The following XPO4 variants were observed in gnomAD, a reference collection of about 807,000 sequenced individuals.
The protein encoded by XPO4 is exportin 4, also known as exportin-4.
Under a neutral mutation model 143.0 loss-of-function variants are expected in XPO4, and 39 were observed. That is an observed-to-expected ratio of 0.27 (90% CI 0.21 to 0.36). The LOEUF (loss-of-function observed/expected upper bound fraction) is 0.36. XPO4 is among the 10% of genes least tolerant of loss of function. The pLI, the probability that XPO4 is intolerant of heterozygous loss-of-function variation, is 1.00. For missense variants in XPO4, 907 were observed against 1,348.0 expected (o/e 0.67, Z 5.12); for synonymous variants, 439 against 474.0 (o/e 0.93, Z 0.96).
At position 20,779,102 on chromosome 13, in the gene XPO4, T is replaced by C. The variant is rs1172390132; in HGVS notation, c.*4620A>G. 2 of 152,144 alleles carry C rather than the reference T, an allele frequency of 1.3e-5. No individual in the cohort carries two copies. Among genetic ancestry groups the C allele is most frequent in the Non-Finnish European group, 2.9e-5 (2 of 68,032 alleles). 9.4% of individuals were successfully genotyped at this position (152,144 alleles called of 1,614,324 possible). A position where few individuals can be genotyped will look rare whatever the true frequency, so the allele number is the denominator to read the frequency against. The stretch of plus-strand genomic sequence containing the variant: ...TTTAAACAGTACACTCATCCCTGGG[T>C]CTTTAAATAAAACTGAAAAGTCTTA... On this transcript the variant is annotated 3_prime_UTR_variant, in exon 23 of 23. Coordinates refer to ENST00000255305, the MANE Select transcript of XPO4 (RefSeq NM_022459.5).
chr13:20,852,184 A>G, intron 4 of XPO4: 1 of 985,438 alleles, frequency 1.0e-6, no homozygotes, highest in Non-Finnish European at 1.2e-6. Flanking sequence ...TCATAAATAG[A>G]TAGATCTCAG....
intron 4 of XPO4, chr13:20,852,355 G>C: frequency 1.0e-6 from 1 of 985,434 alleles, no homozygotes; most frequent in Non-Finnish European, 1.2e-6. Flanking sequence ...ATATTTCCAA[G>C]TAGCAGCCTC....
intron 16 of XPO4, among the ~76,000 whole-genome samples, chr13:20,797,639 T>A (rs2059375635): frequency 6.6e-6 from 1 of 152,190 alleles, no homozygotes. Flanking sequence ...GGATTTGAAG[T>A]CACAAACAAC....
intron 22 of XPO4, among the ~76,000 whole-genome samples, chr13:20,785,794 T>A (rs1595046930): frequency 4.2e-5 from 5 of 119,702 alleles, no homozygotes; most frequent in Admixed American, 1.1e-4. Flanking sequence ...GAGAGAGAAA[T>A]AAAGGAAGAG....
intron 1 of XPO4, among the ~76,000 whole-genome samples, chr13:20,886,133 C>T (rs1239851109): frequency 1.3e-5 from 2 of 152,118 alleles, no homozygotes; most frequent in Non-Finnish European, 2.9e-5. Context: ...TCTTTTCAAA[C>T]ACATACTGAA....
In XPO4 at chr13:20,780,418, G is replaced by A. The variant is rs1302260854; in HGVS notation, c.*3304C>T. 6.6e-6 allele frequency: 1 copy of A among 152,092 alleles called. No individual in the cohort carries two copies. The highest frequency in any genetic ancestry group is 2.4e-5 in the African/African-American group (1 of 41,382). The allele number at this position is 152,092 out of a possible 1,614,324, so 9.4% of individuals were successfully genotyped here. On this transcript the variant is annotated 3_prime_UTR_variant, in exon 23 of 23. Transcript: ENST00000255305. Reference sequence around the variant, plus strand: ...TTAGGGGTTCATAGAAGTATTAACAGAAATGGGAAACATGGTGATATTACA... The same window carrying A: ...TTAGGGGTTCATAGAAGTATTAACAAAAATGGGAAACATGGTGATATTACA...
chr13:20,810,915 C>T (rs918022326), intron 9 of XPO4, among the ~76,000 whole-genome samples: 8 of 152,196 alleles, frequency 5.3e-5, no homozygotes, highest in African/African-American at 9.7e-5. Context: ...ACCAAAACTA[C>T]ACCACTGAGA....
At chr13:20,837,587 T>TG (rs1344913512) in intron 6 of XPO4, among the ~76,000 whole-genome samples, 1 of 151,904 alleles carries the variant, frequency 6.6e-6, no homozygotes, top group Non-Finnish European at 1.5e-5. Context: ...TTGTAAGAGA[T>TG]GGGGTGTATT....
intron 4 of XPO4, chr13:20,851,889 CAGA>C (rs1346275497): frequency 4.1e-6 from 4 of 985,214 alleles, no homozygotes; most frequent in Non-Finnish European, 4.8e-6. Flanking sequence ...CAATCATTCT[CAGA>C]AGATCAGTTA....
Position 20,782,035 on chromosome 13 carries a change from C to T in XPO4, c.*1687G>A, listed in dbSNP as rs1302360276. On this transcript the variant is annotated 3_prime_UTR_variant, in exon 23 of 23. Coordinates refer to ENST00000255305, the MANE Select transcript of XPO4 (RefSeq NM_022459.5). ...CCCTTAATTGTGACTCAAAGCTAAT[C>T]AAATTGAGAGAAATGTAAGTTATGG... The T allele has an allele frequency of 6.6e-6, 1 of 152,206 alleles. No individual in the cohort carries two copies. The highest frequency in any genetic ancestry group is 1.5e-5 in the Non-Finnish European group (1 of 68,040). The allele number at this position is 152,206 out of a possible 1,614,324, so 9.4% of individuals were successfully genotyped here. A position where few individuals can be genotyped will look rare whatever the true frequency, so the allele number is the denominator to read the frequency against.
chr13:20,821,525 T>C (rs1459671617), intron 9 of XPO4, among the ~76,000 whole-genome samples, 179 bp downstream of exon 9: 1 of 152,236 alleles, frequency 6.6e-6, no homozygotes, highest in East Asian at 1.9e-4. Context: ...TAAAGCTATT[T>C]TAATCCACAA....
intron 6 of XPO4, among the ~76,000 whole-genome samples, chr13:20,841,011 T>A (rs1239968731): frequency 1.3e-5 from 2 of 152,252 alleles, no homozygotes; most frequent in Non-Finnish European, 2.9e-5. Context: ...TGTGTGTGTA[T>A]CTTTTAGACA....
chr13:20,785,895 A>C (rs2059195944), intron 22 of XPO4, among the ~76,000 whole-genome samples: 1 of 77,248 alleles, frequency 1.3e-5, no homozygotes, highest in Admixed American at 1.3e-4. Context: ...GGAGAAAGAA[A>C]GAAAGAGGAG....
chr13:20,898,285 C>T (rs772534420), intron 1 of XPO4, among the ~76,000 whole-genome samples: 2 of 151,934 alleles, frequency 1.3e-5, no homozygotes, highest in African/African-American at 2.4e-5. Flanking sequence ...ATGTATGGGC[C>T]GGGTGCGGTG....
At chr13:20,866,503 T>G (rs761035026) in intron 2 of XPO4, 59 of 513,834 alleles carry the variant, frequency 1.1e-4, no homozygotes, top group Non-Finnish European at 1.4e-4. Context: ...GACTGCCACT[T>G]GTATGAGAAG....
intron 2 of XPO4, chr13:20,866,539 G>T: frequency 3.4e-6 from 1 of 297,988 alleles, no homozygotes; most frequent in Non-Finnish European, 5.0e-6. Flanking sequence ...TTACCCTTCT[G>T]TGCTGGTGGC....
chr13:20,821,641 TC>T (rs2059721163), intron 9 of XPO4, 62 bp downstream of exon 9: 2 of 1,525,338 alleles, frequency 1.3e-6, no homozygotes, highest in Admixed American at 3.9e-5. Context: ...TGAGAAATGT[TC>T]CAAAGGCACC....
At chr13:20,871,821 T>A (rs1447044578) in intron 1 of XPO4, among the ~76,000 whole-genome samples, 1 of 152,018 alleles carries the variant, frequency 6.6e-6, no homozygotes, top group Non-Finnish European at 1.5e-5. Context: ...AGAACAGGTC[T>A]GAATATATTA....
intron 1 of XPO4, among the ~76,000 whole-genome samples, chr13:20,876,093 C>A (rs1000836908): frequency 4.0e-3 from 365 of 90,498 alleles, no homozygotes; most frequent in South Asian, 7.8e-3. Context: ...CTACTAAATA[C>A]AAAAAAAAAA....
Sources: gnomAD v4.1 joint callset for allele counts (sites outside exome capture counted in the v4.1 genomes callset) on GRCh38, gnomAD v4.1.1 for gene constraint, MANE v1.5 for transcripts, NCBI Gene and HGNC (gene_info 2026-07-23, HGNC 2026-07-21) for gene names.